The following GEMIN5 variants were observed in gnomAD, a reference collection of about 807,000 sequenced individuals.
GEMIN5 encodes the protein gem nuclear organelle associated protein 5.
In GEMIN5, 124 loss-of-function variants were observed where a neutral mutation model predicts 176.9. The ratio of observed to expected loss-of-function variants is 0.70; its 90% CI spans 0.61 to 0.81. GEMIN5 has a LOEUF of 0.81. Among genes scored for constraint, GEMIN5 ranks in the 40% least tolerant of loss-of-function variants. GEMIN5 has a pLI of 0.00. For synonymous variants in GEMIN5, 673 were observed against 665.2 expected (o/e 1.01, Z -0.18); for missense variants, 1,843 against 1,814.6 (o/e 1.02, Z -0.28).
At position 154,919,956 on chromosome 5, in the gene GEMIN5, C is replaced by T. The variant is rs2113494705; in HGVS notation, c.1599+11G>A. ...GTAAAAAGAAAATACTTCAGGACCA[C>T]AAGAACTCACTTTGATTGAATTGGT... On this transcript the variant is annotated intron_variant, in intron 11 of 27. Transcript: ENST00000285873. The T allele has an allele frequency of 1.9e-6, 3 of 1,611,658 alleles. No homozygotes were observed. Among genetic ancestry groups the T allele is most frequent in the South Asian group, 2.2e-5 (2 of 90,554 alleles).
chr5:154,925,395 A>C (rs1276216639), intron 8 of GEMIN5, among the ~76,000 whole-genome samples: 2 of 152,156 alleles, frequency 1.3e-5, no homozygotes. Context: ...TTACCTTTAG[A>C]TTCAATAGCC....
At chr5:154,895,320 C>T (rs1422332398) in intron 24 of GEMIN5, among the ~76,000 whole-genome samples, 1 of 146,606 alleles carries the variant, frequency 6.8e-6, no homozygotes, top group Non-Finnish European at 1.5e-5. Context: ...AACAGTGAGA[C>T]CCAGTCTCCA....
chr5:154,908,017 C>A (rs1763607682), intron 15 of GEMIN5, among the ~76,000 whole-genome samples, 199 bp from the exon 16 acceptor site: 1 of 152,000 alleles, frequency 6.6e-6, no homozygotes, highest in South Asian at 2.1e-4. Context: ...ACATGATGCC[C>A]AATAACACCC....
chr5:154,894,026 C>T (rs972104440), intron 24 of GEMIN5, among the ~76,000 whole-genome samples: 2 of 152,182 alleles, frequency 1.3e-5, no homozygotes, highest in Non-Finnish European at 2.9e-5. Flanking sequence ...CTCACTGCAG[C>T]CTCCGTCTCC....
chr5:154,915,613 G>C (rs1281833171), intron 13 of GEMIN5, among the ~76,000 whole-genome samples: 1 of 152,132 alleles, frequency 6.6e-6, no homozygotes, highest in African/African-American at 2.4e-5. Flanking sequence ...TCATGTATTA[G>C]CGATGCTACT....
intron 3 of GEMIN5, among the ~76,000 whole-genome samples, chr5:154,935,295 C>A (rs1764244429): frequency 1.3e-5 from 2 of 152,330 alleles, no homozygotes; most frequent in South Asian, 4.1e-4. Context: ...ATCAGAATTT[C>A]TCCTTCAACA....
chr5:154,904,100 C>T (rs7720538), intron 18 of GEMIN5, among the ~76,000 whole-genome samples: 145,790 of 151,974 alleles, frequency 0.96, 69,987 homozygotes, highest in South Asian at 0.99. Context: ...AAATTTTTTT[C>T]TAAAAAAATG....
intron 3 of GEMIN5, among the ~76,000 whole-genome samples, chr5:154,934,990 A>C (rs1764238741): frequency 6.6e-6 from 1 of 152,184 alleles, no homozygotes; most frequent in Non-Finnish European, 1.5e-5. Flanking sequence ...ACCTATTTCT[A>C]TATTCCCAGC....
rs1395457971 is a variant in GEMIN5 at position 154,899,171 on chromosome 5, C to T, written c.3134+20G>A. 1.8e-5 allele frequency: 28 copies of T among 1,593,754 alleles called. No individual in the cohort carries two copies. Among genetic ancestry groups the T allele is most frequent in the Non-Finnish European group, 2.3e-5 (27 of 1,170,884 alleles). On this transcript the variant is annotated intron_variant, in intron 22 of 27. Coordinates refer to ENST00000285873, the MANE Select transcript of GEMIN5 (RefSeq NM_015465.5). ...GAAGCTCTCCTATGTTGGAAGCATCCCTCCACTCCTCAGGCTTACCATTTG... is the reference window on the plus strand; with the variant it reads ...GAAGCTCTCCTATGTTGGAAGCATCTCTCCACTCCTCAGGCTTACCATTTG...
At chr5:154,897,136 A>G (rs1763367450) in intron 23 of GEMIN5, among the ~76,000 whole-genome samples, 1 of 152,250 alleles carries the variant, frequency 6.6e-6, no homozygotes, top group African/African-American at 2.4e-5. Context: ...CATTTTATAA[A>G]TAATGCCCAG....
intron 21 of GEMIN5, among the ~76,000 whole-genome samples, 177 bp downstream of exon 21, chr5:154,901,162 C>A (rs144546733): frequency 6.6e-6 from 1 of 152,278 alleles, no homozygotes; most frequent in South Asian, 2.1e-4. Context: ...TCCGTCTCTA[C>A]AAAAAACTAA....
At chr5:154,903,040 A>G in intron 19 of GEMIN5, 40 bp downstream of exon 19, 1 of 1,280,096 alleles carries the variant, frequency 7.8e-7, no homozygotes, top group Non-Finnish European at 1.1e-6. Context: ...TTGGGAAAGT[A>G]TAAAGATGGA....
At chr5:154,911,494 C>A (rs980029823) in intron 15 of GEMIN5, among the ~76,000 whole-genome samples, 1 of 152,162 alleles carries the variant, frequency 6.6e-6, no homozygotes, top group African/African-American at 2.4e-5. Flanking sequence ...GTCTGGGCAA[C>A]AGAGCGAGAC....
intron 21 of GEMIN5, 131 bp from the exon 22 acceptor site, chr5:154,899,441 C>G: frequency 4.4e-6 from 3 of 682,904 alleles, no homozygotes; most frequent in Non-Finnish European, 7.0e-6. Context: ...TTAAAAACTG[C>G]ACTTGCATTA....
chr5:154,925,796 C>T lies in GEMIN5; in HGVS notation c.1293+66G>A, dbSNP rs538670304. ...TCTCAACAGAGCGCATTTAAATGAA[C>T]AGGCATAAAAGAGAATTATTTGGAA... On this transcript the variant is annotated intron_variant, in intron 8 of 27. Coordinates refer to ENST00000285873, the MANE Select transcript of GEMIN5 (RefSeq NM_015465.5). 6.4e-5 allele frequency: 54 copies of T among 845,928 alleles called. No individual in the cohort carries two copies. In the African/African-American group the frequency reaches 8.5e-4, roughly 13 times the overall value. The allele number at this position is 845,928 out of a possible 1,614,324, so 52.4% of individuals were successfully genotyped here.
At chr5:154,927,052 G>GGA (rs1764055165) in intron 7 of GEMIN5, among the ~76,000 whole-genome samples, 2 of 146,724 alleles carry the variant, frequency 1.4e-5, no homozygotes, top group Non-Finnish European at 3.0e-5. Context: ...CTCTGTCTCA[G>GGA]AAAAAAAAAA....
In GEMIN5 at chr5:154,901,789, T is replaced by TC. The variant is rs917723315; in HGVS notation, c.2867-304_2867-303insG. Among the ~76,000 whole-genome samples the TC allele has an allele frequency of 1.7e-4, 3 of 17,656 alleles. No individual in the cohort carries two copies. The East Asian group carries it at 7.1e-3, about 42-fold the overall frequency. 11.6% of individuals were successfully genotyped at this position (17,656 alleles called of 152,430 possible). A position where few individuals can be genotyped will look rare whatever the true frequency, so the allele number is the denominator to read the frequency against. ...AAAGGTAACATGACTACGTGCTTTT[T>TC]TTTTTTCCCTTTCCTTTTATTGTTT... On this transcript the variant is annotated intron_variant, in intron 20 of 27. Coordinates refer to ENST00000285873, the MANE Select transcript of GEMIN5 (RefSeq NM_015465.5).
chr5:154,905,961 G>A (rs2113473561), intron 16 of GEMIN5, among the ~76,000 whole-genome samples: 1 of 152,018 alleles, frequency 6.6e-6, no homozygotes, highest in South Asian at 2.1e-4. Flanking sequence ...AAACTGCTGG[G>A]ATTACAGGCG....
At chr5:154,908,171 C>CTT (rs1561716794) in intron 15 of GEMIN5, among the ~76,000 whole-genome samples, 88 of 88,690 alleles carry the variant, frequency 9.9e-4, no homozygotes, top group African/African-American at 2.1e-3. Flanking sequence ...ACCCAGATGT[C>CTT]CTTTTTTTTT....
Sources: allele counts gnomAD v4.1 joint callset (sites outside exome capture counted in the v4.1 genomes callset), GRCh38; gene constraint gnomAD v4.1.1; transcripts MANE v1.5; gene names NCBI Gene and HGNC (gene_info 2026-07-23, HGNC 2026-07-21).